The following CFAP20DC variants were observed in gnomAD, a reference collection of about 807,000 sequenced individuals.
CFAP20DC encodes the protein CFAP20 domain containing, also known as protein CFAP20DC.
In CFAP20DC, 84 loss-of-function variants were observed where a neutral mutation model predicts 101.7. The ratio of observed to expected loss-of-function variants is 0.83; its 90% CI spans 0.69 to 0.99. The LOEUF is 0.99. Among genes scored for constraint, CFAP20DC ranks in the 50% least tolerant of loss-of-function variants. The pLI is 0.00. For synonymous variants in CFAP20DC, 359 were observed against 351.2 expected (o/e 1.02, Z -0.25); for missense variants, 1,007 against 970.3 (o/e 1.04, Z -0.50).
chr3:58,974,146 G>A (rs2092128384), intron 4 of CFAP20DC, among the ~76,000 whole-genome samples: 1 of 152,104 alleles, frequency 6.6e-6, no homozygotes, highest in African/African-American at 2.4e-5. Context: ...GTGAAAGTTT[G>A]TTACATGGGT....
rs969062086 is a variant in CFAP20DC at position 58,864,693 on chromosome 3, A to G, written c.1259-801T>C. 2.0e-5 allele frequency among the ~76,000 whole-genome samples: 3 copies of G among 152,312 alleles called. No individual in the cohort carries two copies. Among genetic ancestry groups the G allele is most frequent in the African/African-American group, 4.8e-5 (2 of 41,566 alleles). On this transcript the variant is annotated intron_variant, in intron 11 of 16. Transcript: ENST00000482387. This position sits in a 1 kb window ranked among gnomAD's most constrained non-coding sequence, Gnocchi z 4.7. The stretch of plus-strand genomic sequence containing the variant: ...GGAAGCCATGACAAGGTTGGCAGTC[A>G]TTTCCTCTCTATTCTACTGATTCAA...
At chr3:58,768,466 T>C (rs2070538001) in intron 15 of CFAP20DC, among the ~76,000 whole-genome samples, 1 of 152,186 alleles carries the variant, frequency 6.6e-6, no homozygotes, top group African/African-American at 2.4e-5. Context: ...AGTTTCTCCA[T>C]GTGGCGATGT....
intron 4 of CFAP20DC, among the ~76,000 whole-genome samples, chr3:58,958,324 C>T (rs1672449375): frequency 1.3e-5 from 2 of 152,014 alleles, no homozygotes; most frequent in South Asian, 4.1e-4. Context: ...CTTAGCATAA[C>T]GTTTTAAGAT....
chr3:58,898,586 T>C (rs925508516), intron 6 of CFAP20DC, among the ~76,000 whole-genome samples: 4 of 152,210 alleles, frequency 2.6e-5, no homozygotes, highest in Admixed American at 1.3e-4. Context: ...AGGTCCTGTA[T>C]TGTTTTATCA....
chr3:58,725,434 T>C lies in CFAP20DC; in HGVS notation c.198-7806A>G, dbSNP rs1238554451. On this transcript the variant is annotated intron_variant, in intron 3 of 3. Coordinates refer to the CFAP20DC transcript ENST00000486145. ...CCCTGCTTCTGCTGGCAATGGATCATGTCCCACCTCCTCGCTATCACAGTG... is the reference window on the plus strand; with the variant it reads ...CCCTGCTTCTGCTGGCAATGGATCACGTCCCACCTCCTCGCTATCACAGTG... Among the ~76,000 whole-genome samples the C allele has an allele frequency of 3.7e-4, 56 of 152,344 alleles. 1 individual carries two copies. Among genetic ancestry groups the C allele is most frequent in the Admixed American group, 3.7e-3 (56 of 15,304 alleles).
chr3:58,925,487 C>A (rs904548284), intron 5 of CFAP20DC, among the ~76,000 whole-genome samples: 3 of 152,164 alleles, frequency 2.0e-5, no homozygotes, highest in African/African-American at 4.8e-5. Flanking sequence ...CTGGCACAGA[C>A]CTTGGCCCAC....
At chr3:58,827,773 A>G (rs756043014) in intron 14 of CFAP20DC, among the ~76,000 whole-genome samples, 2 of 152,188 alleles carry the variant, frequency 1.3e-5, no homozygotes, top group Non-Finnish European at 2.9e-5. Context: ...TTCCCCACCA[A>G]AACTGTGAAT....
chr3:58,782,349 A>C (rs1022098448), intron 15 of CFAP20DC, among the ~76,000 whole-genome samples: 2 of 152,100 alleles, frequency 1.3e-5, no homozygotes, highest in Non-Finnish European at 2.9e-5. Flanking sequence ...AAAAGCTGGA[A>C]GCCTTTCCCC....
At position 58,742,274 on chromosome 3, in the gene CFAP20DC, A is replaced by G. The variant is rs952373313; in HGVS notation, c.*186T>C. Reference sequence around the variant, plus strand: ...TTAATTTCTTCAGTTTCAAAATCATACTCATCTACAAAAGGAATATAGGTA... The same window carrying G: ...TTAATTTCTTCAGTTTCAAAATCATGCTCATCTACAAAAGGAATATAGGTA... On this transcript the variant is annotated 3_prime_UTR_variant, in exon 17 of 17. Coordinates refer to ENST00000482387, the MANE Select transcript of CFAP20DC (RefSeq NM_001394063.1). 6.0e-6 allele frequency: 7 copies of G among 1,163,486 alleles called. No individual in the cohort carries two copies. The highest frequency in any genetic ancestry group is 7.4e-6 in the Non-Finnish European group (7 of 941,142). 72.1% of individuals were successfully genotyped at this position (1,163,486 alleles called of 1,614,324 possible). A position where few individuals can be genotyped will look rare whatever the true frequency, so the allele number is the denominator to read the frequency against.
chr3:58,791,146 C>G (rs2072814402), intron 15 of CFAP20DC, among the ~76,000 whole-genome samples: 1 of 151,942 alleles, frequency 6.6e-6, no homozygotes, highest in Non-Finnish European at 1.5e-5. Context: ...AAATCATCTC[C>G]CTGATCTCAT....
In CFAP20DC at chr3:58,826,355, GGTTT is replaced by G. The variant is rs201523450; in HGVS notation, c.2175+5327_2175+5330del. On this transcript the variant is annotated intron_variant, in intron 14 of 16. Coordinates refer to ENST00000482387, the MANE Select transcript of CFAP20DC (RefSeq NM_001394063.1). ...TTGGGATACATGGGCAGAATGTGTA[GGTTT>G]GTTACATAGGTACACATGTGTCATG... Among the ~76,000 whole-genome samples the G allele has an allele frequency of 8.7e-3, 1,330 of 152,140 alleles. 21 individuals carry two copies. Among genetic ancestry groups the G allele is most frequent in the African/African-American group, 0.03 (1,251 of 41,484 alleles).
intron 13 of CFAP20DC, among the ~76,000 whole-genome samples, chr3:58,843,102 G>T (rs889824859): frequency 6.6e-6 from 1 of 152,218 alleles, no homozygotes; most frequent in Non-Finnish European, 1.5e-5. Context: ...AAAACGCAGA[G>T]CGCCTCTCTT....
chr3:58,846,859 C>T (rs1239696772), intron 13 of CFAP20DC, among the ~76,000 whole-genome samples: 10 of 150,058 alleles, frequency 6.7e-5, no homozygotes, highest in East Asian at 3.9e-4. Context: ...GAAATAACGC[C>T]GCATATCTAC....
At chr3:58,838,382 C>T (rs1268888853) in intron 13 of CFAP20DC, among the ~76,000 whole-genome samples, 2 of 152,254 alleles carry the variant, frequency 1.3e-5, no homozygotes, top group East Asian at 3.9e-4. Context: ...CTGTCATAAG[C>T]ATTTTAGCAT....
At chr3:59,018,266 T>G (rs892082208) in intron 4 of CFAP20DC, 59 of 152,272 alleles carry the variant, frequency 3.9e-4, no homozygotes, top group African/African-American at 1.3e-3. Flanking sequence ...TTCCACTTTA[T>G]TTTGTAACCA....
intron 4 of CFAP20DC, among the ~76,000 whole-genome samples, chr3:58,948,390 T>A (rs955192805): frequency 6.6e-6 from 1 of 152,240 alleles, no homozygotes; most frequent in African/African-American, 2.4e-5. Flanking sequence ...TTTATTGACT[T>A]GCTACAGCAT....
At chr3:59,011,284 G>C (rs1426594361) in intron 4 of CFAP20DC, among the ~76,000 whole-genome samples, 1 of 152,054 alleles carries the variant, frequency 6.6e-6, no homozygotes, top group Non-Finnish European at 1.5e-5. Flanking sequence ...TGTAGTCCCA[G>C]CTACTCGGGA....
intron 4 of CFAP20DC, among the ~76,000 whole-genome samples, chr3:58,955,174 G>C (rs1465303304): frequency 6.6e-6 from 1 of 151,818 alleles, no homozygotes; most frequent in African/African-American, 2.4e-5. Context: ...AGAACAAAAG[G>C]CTCCACTGAT....
chr3:58,863,791 A>G lies in CFAP20DC; in HGVS notation c.1360T>C (p.Trp454Arg), dbSNP rs1372387097. The change falls in exon 12 of 17, where the codon TGG becomes CGG. Residue 454 changes from tryptophan to arginine, a missense_variant. Physicochemically the swap from Trp to Arg is moderately radical, Grantham distance 101. Transcript: ENST00000482387. The surrounding 1 kb of genome is among the most constrained non-coding windows in gnomAD (Gnocchi z 5.9). The stretch of plus-strand genomic sequence containing the variant: ...TCACTCTCTTTGCTGGCTTCCAGCC[A>G]CAGGTGTGATGGGTTGCAGGAGTCA... ...GDDSCNPSHL[W>R]LEASKESEHD... 7 of 1,614,096 alleles carry G rather than the reference A, an allele frequency of 4.3e-6. No individual in the cohort carries two copies. The highest frequency in any genetic ancestry group is 5.9e-6 in the Non-Finnish European group (7 of 1,180,042).
Sources: allele counts gnomAD v4.1 joint callset (sites outside exome capture counted in the v4.1 genomes callset), GRCh38; gene constraint gnomAD v4.1.1; non-coding constraint Gnocchi (gnomAD v3.1); transcripts MANE v1.5; gene names NCBI Gene and HGNC (gene_info 2026-07-23, HGNC 2026-07-21).